Variants in RBFOX1 observed in about 807,000 individuals in gnomAD.
RBFOX1 encodes RNA binding fox-1 homolog 1.
A neutral mutation model predicts 57.7 loss-of-function variants in RBFOX1; 8 were observed. The ratio of observed to expected loss-of-function variants is 0.14; its 90% CI spans 0.08 to 0.25. The LOEUF (loss-of-function observed/expected upper bound fraction) is 0.25. RBFOX1 is among the 10% of genes least tolerant of loss of function. The pLI, the probability that RBFOX1 is intolerant of heterozygous loss-of-function variation, is 1.00. For synonymous variants in RBFOX1, 326 were observed against 222.4 expected, an observed-to-expected ratio of 1.47 and a Z score of -4.15; for missense variants, 611 against 548.5, an observed-to-expected ratio of 1.11 and a Z score of -1.14.
chr16:7,206,116 A>C (rs1364069818), intron 4 of RBFOX1, among the ~76,000 whole-genome samples: 1 of 152,202 alleles, frequency 6.6e-6, no homozygotes, highest in Non-Finnish European at 1.5e-5. Context: ...CTTACCTGAT[A>C]GTCTAATTTA....
intron 1 of RBFOX1, among the ~76,000 whole-genome samples, chr16:6,198,501 A>C (rs1190141827): frequency 6.6e-6 from 1 of 152,188 alleles, no homozygotes; most frequent in African/African-American, 2.4e-5. Context: ...TTTTGCGATG[A>C]GTTATCTCTG....
At chr16:6,308,798 T>C (rs1434720010) in intron 1 of RBFOX1, among the ~76,000 whole-genome samples, 1 of 152,144 alleles carries the variant, frequency 6.6e-6, no homozygotes, top group Non-Finnish European at 1.5e-5. Context: ...GCAGGTGCCA[T>C]TCTTAGAAAA....
chr16:6,189,214 C>T (rs1168951211), intron 1 of RBFOX1, among the ~76,000 whole-genome samples: 1 of 152,206 alleles, frequency 6.6e-6, no homozygotes, highest in African/African-American at 2.4e-5. Context: ...AATGTTACAA[C>T]ATCAAACATA....
intron 2 of RBFOX1, among the ~76,000 whole-genome samples, chr16:6,651,704 G>T (rs184042606): frequency 6.6e-6 from 1 of 152,238 alleles, no homozygotes; most frequent in East Asian, 1.9e-4. Flanking sequence ...TCTCACTTCT[G>T]GGCATACGCA....
At chr16:6,480,798 G>A (rs966249788) in intron 2 of RBFOX1, among the ~76,000 whole-genome samples, 1 of 152,142 alleles carries the variant, frequency 6.6e-6, no homozygotes, top group African/African-American at 2.4e-5. Flanking sequence ...GTACCTTATA[G>A]TGTGTATTTT....
At chr16:6,264,519 T>G (rs968094602) in intron 1 of RBFOX1, among the ~76,000 whole-genome samples, 1 of 152,160 alleles carries the variant, frequency 6.6e-6, no homozygotes, top group East Asian at 1.9e-4. Context: ...CGGTTCTCAT[T>G]GCTTACCATT....
chr16:7,388,717 G>A (rs915439920), intron 4 of RBFOX1, among the ~76,000 whole-genome samples: 1 of 130,022 alleles, frequency 7.7e-6, no homozygotes. Context: ...CATTTGGTAT[G>A]GTATTCAATG....
chr16:6,979,538 G>C (rs1485171840), intron 3 of RBFOX1, among the ~76,000 whole-genome samples: 3 of 152,140 alleles, frequency 2.0e-5, no homozygotes, highest in Non-Finnish European at 4.4e-5. Flanking sequence ...ATCTTCAATT[G>C]GATACAGCAA....
intron 10 of RBFOX1, among the ~76,000 whole-genome samples, chr16:7,627,704 CA>C (rs200456927): frequency 3.3e-5 from 5 of 151,982 alleles, no homozygotes; most frequent in Non-Finnish European, 5.9e-5. Flanking sequence ...TTTCCCTGCC[CA>C]AAAAAATGCA....
chr16:7,290,777 CAAGG>C (rs1385504049), intron 4 of RBFOX1, among the ~76,000 whole-genome samples: 2 of 152,144 alleles, frequency 1.3e-5, no homozygotes, highest in African/African-American at 4.8e-5. Context: ...AGAAAATAGA[CAAGG>C]AACTCACCAT....
At chr16:6,534,441 G>C (rs549253420) in intron 2 of RBFOX1, among the ~76,000 whole-genome samples, 1 of 152,260 alleles carries the variant, frequency 6.6e-6, no homozygotes, top group Non-Finnish European at 1.5e-5. Flanking sequence ...TGCCTCTTCA[G>C]TTTCTACCCA....
At chr16:6,722,774 A>T (rs867662471) in intron 3 of RBFOX1, among the ~76,000 whole-genome samples, 9 of 152,330 alleles carry the variant, frequency 5.9e-5, no homozygotes, top group African/African-American at 1.9e-4. Flanking sequence ...TTATGTAGGC[A>T]TATCTTCATT....
intron 3 of RBFOX1, among the ~76,000 whole-genome samples, chr16:5,778,430 C>T (rs1488612030): frequency 1.3e-5 from 2 of 152,178 alleles, no homozygotes; most frequent in African/African-American, 2.4e-5. Context: ...TGATGGGCTT[C>T]AGCTCCCTGC....
intron 3 of RBFOX1, among the ~76,000 whole-genome samples, chr16:6,919,709 T>A (rs2074031458): frequency 6.6e-6 from 1 of 151,958 alleles, no homozygotes; most frequent in South Asian, 2.1e-4. Context: ...ACTGATATAT[T>A]GTATGTTATA....
At chr16:6,686,511 G>A (rs143230282) in intron 3 of RBFOX1, among the ~76,000 whole-genome samples, 105 of 152,240 alleles carry the variant, frequency 6.9e-4, no homozygotes, top group Middle Eastern at 3.4e-3. Context: ...TGTGAAATTG[G>A]TGTTCTTCCA....
At chr16:6,388,494 AATTT>A (rs2092424037) in intron 2 of RBFOX1, among the ~76,000 whole-genome samples, 1 of 152,128 alleles carries the variant, frequency 6.6e-6, no homozygotes, top group Non-Finnish European at 1.5e-5. Context: ...ATTTTTAATT[AATTT>A]GTCTTTTAGT....
chr16:6,509,813 C>A (rs562871965), intron 2 of RBFOX1, among the ~76,000 whole-genome samples: 1 of 152,300 alleles, frequency 6.6e-6, no homozygotes, highest in Non-Finnish European at 1.5e-5. Context: ...AATATATACA[C>A]TTACCATGTT....
chr16:7,702,410 T>A (rs919911490), intron 14 of RBFOX1, among the ~76,000 whole-genome samples: 1 of 152,226 alleles, frequency 6.6e-6, no homozygotes, highest in Admixed American at 6.5e-5. Flanking sequence ...CCAAGAGATT[T>A]GTCAGAAGCC....
chr16:5,722,597 A>C (rs2051976825), intron 3 of RBFOX1, among the ~76,000 whole-genome samples: 3 of 152,228 alleles, frequency 2.0e-5, no homozygotes, highest in African/African-American at 7.2e-5. Flanking sequence ...TATCAGTGAA[A>C]TCTTTTGAGT....
Sources: gnomAD v4.1 joint callset for allele counts (sites outside exome capture counted in the v4.1 genomes callset) on GRCh38, gnomAD v4.1.1 for gene constraint, MANE v1.5 for transcripts, NCBI Gene and HGNC (gene_info 2026-07-23, HGNC 2026-07-21) for gene names.